The following AJAP1 variants were observed in gnomAD, a reference collection of about 807,000 sequenced individuals.
AJAP1 encodes adherens junction-associated protein 1.
AJAP1 carries 5 observed loss-of-function variants against 35.0 expected under a neutral mutation model. That is an observed-to-expected ratio of 0.14 (90% CI 0.07 to 0.30). The LOEUF (loss-of-function observed/expected upper bound fraction) is 0.30, where lower values mean the gene tolerates loss of function less well. Ranked by LOEUF, AJAP1 falls within the 10% of genes least tolerant of loss-of-function variation. The pLI is 1.00. For missense variants in AJAP1, 586 were observed against 571.0 expected (o/e 1.03, Z -0.27); for synonymous variants, 284 against 249.3 (o/e 1.14, Z -1.31).
At chr1:4,687,352 C>T (rs1639628453) in intron 1 of AJAP1, among the ~76,000 whole-genome samples, 1 of 152,160 alleles carries the variant, frequency 6.6e-6, no homozygotes, top group Non-Finnish European at 1.5e-5. Context: ...ATAACGTTCC[C>T]TTAAGCGGAG....
intron 3 of AJAP1, 32 bp from the exon 4 acceptor site, chr1:4,772,248 C>T (rs564792726): frequency 1.3e-5 from 21 of 1,610,884 alleles, no homozygotes; most frequent in Middle Eastern, 1.6e-4. Context: ...GGCCTCTGCC[C>T]GTCCCCCTAC....
At chr1:4,679,554 G>A (rs1321414668) in intron 1 of AJAP1, among the ~76,000 whole-genome samples, 1 of 152,134 alleles carries the variant, frequency 6.6e-6, no homozygotes, top group East Asian at 1.9e-4. Flanking sequence ...CATAGTTCTG[G>A]AGACTAGATG....
intron 2 of AJAP1, among the ~76,000 whole-genome samples, chr1:4,733,005 C>A (rs1245895787): frequency 6.6e-6 from 1 of 152,196 alleles, no homozygotes; most frequent in Non-Finnish European, 1.5e-5. Context: ...CTGGACTCTT[C>A]TTTGCCCAGC....
At chr1:4,680,260 G>A in intron 1 of AJAP1, among the ~76,000 whole-genome samples, 1 of 152,272 alleles carries the variant, frequency 6.6e-6, no homozygotes, top group East Asian at 1.9e-4. Context: ...TACACCCAGA[G>A]TAATCTTTGA....
At chr1:4,746,224 C>T (rs1250242082) in intron 2 of AJAP1, among the ~76,000 whole-genome samples, 13 of 152,160 alleles carry the variant, frequency 8.5e-5, no homozygotes, top group Admixed American at 6.5e-5. Context: ...TCCATCATCC[C>T]GTGGCTGCCT....
intron 2 of AJAP1, among the ~76,000 whole-genome samples, chr1:4,717,005 T>C (rs977506896): frequency 1.3e-5 from 2 of 152,066 alleles, no homozygotes; most frequent in Admixed American, 6.5e-5. Flanking sequence ...ACTGGCAGAG[T>C]GTGACCGTCA....
chr1:4,686,997 T>C (rs1279648688), intron 1 of AJAP1, among the ~76,000 whole-genome samples: 1 of 152,208 alleles, frequency 6.6e-6, no homozygotes, highest in Non-Finnish European at 1.5e-5. Context: ...TGACCAGGGC[T>C]GCCTCTGCCA....
chr1:4,726,240 A>G (rs907703842), intron 2 of AJAP1, among the ~76,000 whole-genome samples: 1 of 152,182 alleles, frequency 6.6e-6, no homozygotes, highest in Non-Finnish European at 1.5e-5. Context: ...CAGGCCCTGA[A>G]TCTTTTAAGG....
intron 1 of AJAP1, among the ~76,000 whole-genome samples, chr1:4,658,035 C>G (rs1388611753): frequency 6.6e-6 from 1 of 152,016 alleles, no homozygotes; most frequent in East Asian, 1.9e-4. Context: ...CAGCTCAGAG[C>G]TCACCCGTGG....
intron 2 of AJAP1, among the ~76,000 whole-genome samples, chr1:4,759,231 A>G (rs548034753): frequency 2.0e-5 from 3 of 152,280 alleles, no homozygotes; most frequent in African/African-American, 7.2e-5. Flanking sequence ...GCTGGATGGC[A>G]CATCAGTCCT....
intron 1 of AJAP1, among the ~76,000 whole-genome samples, chr1:4,677,230 G>A (rs1345361915): frequency 6.6e-6 from 1 of 152,170 alleles, no homozygotes; most frequent in East Asian, 1.9e-4. Flanking sequence ...ATCAGAGGTT[G>A]GTAAGTCTGG....
intron 1 of AJAP1, among the ~76,000 whole-genome samples, chr1:4,709,422 G>C (rs1031870854): frequency 6.6e-6 from 1 of 151,906 alleles, no homozygotes; most frequent in Admixed American, 6.6e-5. Flanking sequence ...GTGAGGCCTG[G>C]TGAGGTCTGG....
intron 1 of AJAP1, among the ~76,000 whole-genome samples, chr1:4,662,162 C>T (rs1394869116): frequency 1.3e-5 from 2 of 152,008 alleles, no homozygotes; most frequent in African/African-American, 2.4e-5. Flanking sequence ...GGAAATTGGC[C>T]GAGTTGCACA....
intron 1 of AJAP1, among the ~76,000 whole-genome samples, chr1:4,669,393 G>T (rs1308358030): frequency 1.3e-5 from 2 of 152,178 alleles, no homozygotes; most frequent in African/African-American, 4.8e-5. Context: ...GCATGGCTGG[G>T]GAGGCCTCAG....
chr1:4,772,008 G>A (rs1641845632), intron 3 of AJAP1, among the ~76,000 whole-genome samples: 2 of 152,086 alleles, frequency 1.3e-5, no homozygotes, highest in East Asian at 1.9e-4. Flanking sequence ...CAGGTCCCTA[G>A]CTCTGCGATC....
intron 2 of AJAP1, among the ~76,000 whole-genome samples, chr1:4,738,230 C>T (rs1640975684): frequency 6.6e-6 from 1 of 152,240 alleles, no homozygotes; most frequent in African/African-American, 2.4e-5. Context: ...ATCAACACAA[C>T]AGGGGCCCTG....
At chr1:4,758,817 C>G (rs3753716) in intron 2 of AJAP1, among the ~76,000 whole-genome samples, 3,026 of 152,316 alleles carry the variant, frequency 0.02, 66 homozygotes, top group South Asian at 0.12. Context: ...GGACAGCCGG[C>G]GTGCAGAGGA....
At position 4,687,593 on chromosome 1, in the gene AJAP1, GGCTACGGC is replaced by G. The variant is rs1639635733; in HGVS notation, c.30-24306_30-24299del. 5.9e-5 allele frequency among the ~76,000 whole-genome samples: 9 copies of G among 152,272 alleles called. No individual in the cohort carries two copies. The South Asian group carries it at 1.9e-3, about 32-fold the overall frequency. Reference sequence around the variant, plus strand: ...ACAGTGGAAGGTTCTGCTGTCTGGTGGCTACGGCTGCTTTAGGAAAATAGGACATTGGC... The same window carrying G: ...ACAGTGGAAGGTTCTGCTGTCTGGTGTGCTTTAGGAAAATAGGACATTGGC... On this transcript the variant is annotated intron_variant, in intron 1 of 5. Coordinates refer to ENST00000378191, the MANE Select transcript of AJAP1 (RefSeq NM_018836.4).
At chr1:4,687,119 T>C (rs1385970446) in intron 1 of AJAP1, among the ~76,000 whole-genome samples, 1 of 152,062 alleles carries the variant, frequency 6.6e-6, no homozygotes, top group Non-Finnish European at 1.5e-5. Context: ...TTCCTCGCTC[T>C]TTCCTTTCCT....
Sources: allele counts gnomAD v4.1 joint callset (sites outside exome capture counted in the v4.1 genomes callset), GRCh38; gene constraint gnomAD v4.1.1; transcripts MANE v1.5; gene names NCBI Gene and HGNC (gene_info 2026-07-23, HGNC 2026-07-21).